Variants in EPAS1 observed in about 807,000 individuals in gnomAD.
The protein encoded by EPAS1 is endothelial PAS domain protein 1.
In EPAS1, 23 loss-of-function variants were observed where a neutral mutation model predicts 87.9. That is an observed-to-expected ratio of 0.26 (90% confidence interval 0.19 to 0.37). The LOEUF is 0.37. EPAS1 is among the 10% of genes least tolerant of loss of function. The probability of loss-of-function intolerance (pLI) is 1.00; values close to 1 mark genes in which losing one functional copy is unlikely to be tolerated. For missense variants in EPAS1, 1,138 were observed against 1,120.7 expected (o/e 1.02, Z -0.22); for synonymous variants, 508 against 444.3 (o/e 1.14, Z -1.80).
chr2:46,341,883 T>C (rs1415876115), intron 1 of EPAS1, among the ~76,000 whole-genome samples: 1 of 152,318 alleles, frequency 6.6e-6, no homozygotes, highest in East Asian at 1.9e-4. Flanking sequence ...GCCCCAGTGC[T>C]CAATAAATAT....
rs1189534826 is a variant in EPAS1, at chr2:46,382,333, A to G, written c.2288-92A>G. On this transcript the variant is annotated intron_variant, in intron 14 of 15. Coordinates refer to ENST00000263734, the MANE Select transcript of EPAS1 (RefSeq NM_001430.5). ...GGCTGTAGTTCTGGTGACTCTGAGC[A>G]CCTTTTATAAAGGAAAGGGATGCTA... 2.6e-6 allele frequency: 4 copies of G among 1,513,276 alleles called. No homozygotes were observed. The East Asian group carries it at 6.8e-5, about 26-fold the overall frequency. 93.7% of individuals were successfully genotyped at this position (1,513,276 alleles called of 1,614,324 possible). A position where few individuals can be genotyped will look rare whatever the true frequency, so the allele number is the denominator to read the frequency against.
At chr2:46,373,932 T>G (rs1210565851) in intron 7 of EPAS1, among the ~76,000 whole-genome samples, 1 of 152,170 alleles carries the variant, frequency 6.6e-6, no homozygotes, top group Non-Finnish European at 1.5e-5. Flanking sequence ...AGCTGTAAAG[T>G]GGGAATAACA....
At chr2:46,301,578 GAAAAAAA>G (rs3053642) in intron 1 of EPAS1, among the ~76,000 whole-genome samples, 3 of 124,188 alleles carry the variant, frequency 2.4e-5, no homozygotes, top group East Asian at 6.6e-4. Flanking sequence ...CCGTCTCAAA[GAAAAAAA>G]AAAAAAAAAA....
intron 1 of EPAS1, among the ~76,000 whole-genome samples, chr2:46,339,801 G>A (rs1258944649): frequency 6.6e-6 from 1 of 152,198 alleles, no homozygotes; most frequent in East Asian, 1.9e-4. Flanking sequence ...TCAGTGTCTG[G>A]TAAGGGCCCA....
intron 7 of EPAS1, among the ~76,000 whole-genome samples, chr2:46,374,443 T>G (rs777693789): frequency 6.6e-6 from 1 of 152,254 alleles, no homozygotes; most frequent in African/African-American, 2.4e-5. Context: ...TCAACACTTA[T>G]GTACCTGATA....
intron 1 of EPAS1, among the ~76,000 whole-genome samples, chr2:46,320,658 G>A (rs1025532372): frequency 6.6e-6 from 1 of 152,168 alleles, no homozygotes; most frequent in Admixed American, 6.6e-5. Flanking sequence ...AGATATGCTT[G>A]GAGTGTGGCA....
chr2:46,383,985 C>G (rs1050006498), intron 15 of EPAS1, among the ~76,000 whole-genome samples: 5 of 152,152 alleles, frequency 3.3e-5, no homozygotes, highest in Admixed American at 3.3e-4. Flanking sequence ...GGATGGGGGC[C>G]TGTGTGTGTG....
chr2:46,344,118 C>A (rs1407503548), intron 1 of EPAS1, among the ~76,000 whole-genome samples: 3 of 152,166 alleles, frequency 2.0e-5, no homozygotes, highest in Non-Finnish European at 2.9e-5. Flanking sequence ...GTAAACAATA[C>A]CTACTTTATT....
intron 6 of EPAS1, among the ~76,000 whole-genome samples, chr2:46,367,333 G>A (rs756006201): frequency 6.6e-6 from 1 of 152,180 alleles, no homozygotes; most frequent in Non-Finnish European, 1.5e-5. Context: ...CATTTTGGAG[G>A]GTCTCTAGAA....
In EPAS1 at chr2:46,372,546, A is replaced by G. The variant is rs1398524527; in HGVS notation, c.886+2613A>G. On this transcript the variant is annotated intron_variant, in intron 7 of 15. Coordinates refer to ENST00000263734, the MANE Select transcript of EPAS1 (RefSeq NM_001430.5). ...TTCCAAATGGATTAATAATTTATAC[A>G]CTGTTACTCTGGGCGTGAGGTTAGG... Among the ~76,000 whole-genome samples, 3 of 152,186 alleles carry G rather than the reference A, an allele frequency of 2.0e-5. No homozygotes were observed. The East Asian group carries it at 5.8e-4, about 29-fold the overall frequency.
In EPAS1 at chr2:46,380,162, T is replaced by G; in HGVS notation, c.1555-65T>G. ...GATGAATGGCTCTGCAGGAGCTGAG[T>G]TGGAATAGTGTTTGTGAGGTCGTAC... On this transcript the variant is annotated intron_variant, in intron 11 of 15. Transcript: ENST00000263734. The surrounding 1 kb of genome is among the most constrained non-coding windows in gnomAD (Gnocchi z 4.4). 6.3e-7 allele frequency: 1 copy of G among 1,599,412 alleles called. No individual in the cohort carries two copies. Among genetic ancestry groups the G allele is most frequent in the Non-Finnish European group, 8.5e-7 (1 of 1,179,656 alleles).
chr2:46,381,298 G>A (rs1008188368), intron 12 of EPAS1: 13 of 455,402 alleles, frequency 2.9e-5, no homozygotes, highest in Non-Finnish European at 5.3e-5. Flanking sequence ...TTCAGTGGGA[G>A]CAAAAGGCAG....
chr2:46,324,234 T>G (rs976313725), intron 1 of EPAS1, among the ~76,000 whole-genome samples: 8 of 149,042 alleles, frequency 5.4e-5, no homozygotes, highest in Admixed American at 4.6e-4. Context: ...GCCTGGCTAA[T>G]TTTTTTGTAT....
rs190501174 is a variant in EPAS1, at chr2:46,325,344, T to C, written c.27-21529T>C. Among the ~76,000 whole-genome samples, 1,205 of 152,292 alleles carry C rather than the reference T, an allele frequency of 7.9e-3. 3 individuals carry two copies. Among genetic ancestry groups the C allele is most frequent in the Non-Finnish European group, 0.013 (861 of 68,012 alleles). On this transcript the variant is annotated intron_variant, in intron 1 of 15. Transcript: ENST00000263734. Reference sequence around the variant, plus strand: ...TCCATTGCAGATGGGAGCAAGAACATACAAAAGAGCATAAAGAAAAATTCT... The same window carrying C: ...TCCATTGCAGATGGGAGCAAGAACACACAAAAGAGCATAAAGAAAAATTCT...
At chr2:46,370,603 G>T (rs1684608503) in intron 7 of EPAS1, among the ~76,000 whole-genome samples, 1 of 152,226 alleles carries the variant, frequency 6.6e-6, no homozygotes, top group Admixed American at 6.5e-5. Flanking sequence ...TAAGGACTCT[G>T]GAAGAGGGCT....
At chr2:46,331,124 A>G (rs770379846) in intron 1 of EPAS1, among the ~76,000 whole-genome samples, 9 of 152,218 alleles carry the variant, frequency 5.9e-5, no homozygotes, top group Non-Finnish European at 1.3e-4. Context: ...GCTGAGGTTT[A>G]GAGAAACTTA....
Position 46,313,401 on chromosome 2 carries a change from C to G in EPAS1, c.26+15464C>G, listed in dbSNP as rs191147297. Among the ~76,000 whole-genome samples the G allele has an allele frequency of 6.6e-5, 10 of 152,116 alleles. No homozygotes were observed. The East Asian group carries it at 1.5e-3, about 23-fold the overall frequency. On this transcript the variant is annotated intron_variant, in intron 1 of 15. Coordinates refer to ENST00000263734, the MANE Select transcript of EPAS1 (RefSeq NM_001430.5). ...TCCTTTAGTTAACCTCCCTCCTGTT[C>G]TGTTTTGTTTTGTTTTAGCAGTACT... is the stretch of plus-strand genomic sequence containing the variant.
intron 1 of EPAS1, among the ~76,000 whole-genome samples, chr2:46,302,162 G>GGGA (rs1683018250): frequency 7.6e-6 from 1 of 130,996 alleles, no homozygotes; most frequent in African/African-American, 2.9e-5. Context: ...CCGTGCGTCG[G>GGGA]GGGGGGGGGC....
intron 6 of EPAS1, among the ~76,000 whole-genome samples, chr2:46,362,028 C>T (rs1395248056): frequency 1.3e-5 from 2 of 152,198 alleles, no homozygotes; most frequent in Non-Finnish European, 2.9e-5. Flanking sequence ...CAGGGTAGGC[C>T]TGGCTTGAGT....
Sources: allele counts gnomAD v4.1 joint callset (sites outside exome capture counted in the v4.1 genomes callset), GRCh38; gene constraint gnomAD v4.1.1; non-coding constraint Gnocchi (gnomAD v3.1); transcripts MANE v1.5; gene names NCBI Gene and HGNC (gene_info 2026-07-23, HGNC 2026-07-21).